Variants in CRTAC1 observed in about 807,000 individuals in gnomAD.
CRTAC1 encodes acidic secreted protein in cartilage.
A neutral mutation model predicts 67.8 loss-of-function variants in CRTAC1; 37 were observed. The ratio of observed to expected loss-of-function variants is 0.55; its 90% CI spans 0.42 to 0.72. The LOEUF (loss-of-function observed/expected upper bound fraction) is 0.72. Among genes scored for constraint, CRTAC1 ranks in the 30% least tolerant of loss-of-function variants. The probability of loss-of-function intolerance (pLI) is 0.00; values close to 1 mark genes in which losing one functional copy is unlikely to be tolerated. For synonymous variants in CRTAC1, 348 were observed against 371.0 expected (o/e 0.94, Z 0.71); for missense variants, 780 against 931.6 (o/e 0.84, Z 2.12).
At chr10:97,955,806 T>C (rs1005633859) in intron 2 of CRTAC1, among the ~76,000 whole-genome samples, 1 of 152,170 alleles carries the variant, frequency 6.6e-6, no homozygotes, top group African/African-American at 2.4e-5. Context: ...ATCATATGCA[T>C]GGGTGCACGG....
intron 2 of CRTAC1, among the ~76,000 whole-genome samples, chr10:98,007,127 T>C (rs565002398): frequency 8.5e-5 from 13 of 152,344 alleles, no homozygotes; most frequent in Admixed American, 4.6e-4. Context: ...AGAAATGGCT[T>C]ATTAAACTCT....
At chr10:97,882,966 C>T in intron 12 of CRTAC1, 138 bp from the exon 13 acceptor site, 3 of 841,640 alleles carry the variant, frequency 3.6e-6, no homozygotes, top group Non-Finnish European at 5.7e-6. Context: ...CTGGGGGGAG[C>T]CCCCTCCCTT....
chr10:97,992,029 T>C (rs1370523919), intron 2 of CRTAC1, among the ~76,000 whole-genome samples: 1 of 152,208 alleles, frequency 6.6e-6, no homozygotes, highest in Non-Finnish European at 1.5e-5. Flanking sequence ...CCAGGCAGCA[T>C]CTCTGAGCCT....
Position 98,011,330 on chromosome 10 carries a change from C to A in CRTAC1, c.32G>T (p.Arg11Met). ...GAGCAGCAGCAGGAACGGTAACATC[C>A]TGGACATCTGAAACCAAAAGTGACA... Reference protein sequence around the residue: MAPSADPGMSRMLPFLLLLWF... With the variant: MAPSADPGMSMMLPFLLLLWF... Residue 11 changes from arginine to methionine, a missense_variant, in exon 2 of 15, where the codon AGG (arginine) becomes ATG (methionine). Physicochemically the swap from Arg to Met is moderately conservative, Grantham distance 91 (BLOSUM62 -1). Transcript: ENST00000370597. 1 of 1,613,792 alleles carries A rather than the reference C, an allele frequency of 6.2e-7. No homozygotes were observed. The highest frequency in any genetic ancestry group is 8.5e-7 in the Non-Finnish European group (1 of 1,180,018).
intron 3 of CRTAC1, among the ~76,000 whole-genome samples, chr10:97,928,120 C>A (rs1158768050): frequency 6.6e-6 from 1 of 152,088 alleles, no homozygotes; most frequent in African/African-American, 2.4e-5. Context: ...GGCCATGGAG[C>A]CACAGCCCTT....
At chr10:97,930,255 A>G (rs2050984264) in intron 3 of CRTAC1, among the ~76,000 whole-genome samples, 2 of 152,234 alleles carry the variant, frequency 1.3e-5, no homozygotes, top group African/African-American at 4.8e-5. Context: ...AGGCAGTCCC[A>G]GTTCCTAAGG....
intron 1 of CRTAC1, among the ~76,000 whole-genome samples, chr10:98,022,458 G>A (rs1590301653): frequency 6.6e-6 from 1 of 152,132 alleles, no homozygotes; most frequent in Non-Finnish European, 1.5e-5. Context: ...AACTAGGGAC[G>A]TGGTGGGAAG....
At chr10:97,917,461 G>A in intron 5 of CRTAC1, 39 bp downstream of exon 5, 1 of 1,434,242 alleles carries the variant, frequency 7.0e-7, no homozygotes, top group South Asian at 1.7e-5. Context: ...CCCAGCCCCA[G>A]CCCCTCCAGC....
At chr10:97,950,628 T>G (rs1317141799) in intron 2 of CRTAC1, among the ~76,000 whole-genome samples, 4 of 152,068 alleles carry the variant, frequency 2.6e-5, no homozygotes, top group African/African-American at 4.8e-5. Context: ...ACTTGCCTGG[T>G]GAAGGGTAGG....
chr10:97,889,687 T>G (rs1457453397), intron 11 of CRTAC1, among the ~76,000 whole-genome samples: 1 of 152,094 alleles, frequency 6.6e-6, no homozygotes, highest in East Asian at 1.9e-4. Context: ...GATGCACACG[T>G]GTACACACTC....
chr10:98,024,188 G>A (rs1479688768), intron 1 of CRTAC1, among the ~76,000 whole-genome samples: 7 of 152,244 alleles, frequency 4.6e-5, no homozygotes, highest in Admixed American at 4.6e-4. Flanking sequence ...CACTCCCAGG[G>A]CTCAGCAGTG....
rs1195004950 is a variant in CRTAC1 at position 97,908,028 on chromosome 10, C to T, written c.835G>A (p.Ala279Thr). Reference protein sequence around the residue: ...HNRGDGTFVDAAASAGVDDPH... With the variant: ...HNRGDGTFVDTAASAGVDDPH... ...CTCCACTCACCAGCACTGGCCGCAG[C>T]GTCCACAAAGGTGCCATCGCCCCGG... The change falls in exon 6 of 15, where the codon GCT (alanine) becomes ACT (threonine). Residue 279 changes from alanine (A) to threonine (T), a missense_variant. Coordinates refer to ENST00000370597, the MANE Select transcript of CRTAC1 (RefSeq NM_018058.7). 8 of 1,614,000 alleles carry T rather than the reference C, an allele frequency of 5.0e-6. No homozygotes were observed. Among genetic ancestry groups the T allele is most frequent in the East Asian group, 4.5e-5 (2 of 44,896 alleles).
At chr10:98,025,073 T>C (rs1484271596) in intron 1 of CRTAC1, among the ~76,000 whole-genome samples, 1 of 152,182 alleles carries the variant, frequency 6.6e-6, no homozygotes, top group African/African-American at 2.4e-5. Flanking sequence ...TGTCACTTGC[T>C]TGCAGTGTGA....
rs187007637 is a variant in CRTAC1 at position 97,994,878 on chromosome 10, C to T, written c.224+16260G>A. Among the ~76,000 whole-genome samples, 35 of 152,276 alleles carry T rather than the reference C, an allele frequency of 2.3e-4. No individual in the cohort carries two copies. In the East Asian group the frequency reaches 3.5e-3, roughly 15 times the overall value. Reference sequence around the variant, plus strand: ...CCTGTGGAGGCCCAAGGAGCAGATCCGGCCACCTTATCCTGTGTGAGGAGC... The same window carrying T: ...CCTGTGGAGGCCCAAGGAGCAGATCTGGCCACCTTATCCTGTGTGAGGAGC... On this transcript the variant is annotated intron_variant, in intron 2 of 14. Transcript: ENST00000370597.
intron 5 of CRTAC1, among the ~76,000 whole-genome samples, chr10:97,915,783 A>G (rs1262510386): frequency 6.6e-6 from 1 of 152,160 alleles, no homozygotes. Context: ...ATGGTGGGCC[A>G]AATAGGTTCT....
intron 2 of CRTAC1, among the ~76,000 whole-genome samples, chr10:97,991,940 TATA>T (rs957046375): frequency 1.3e-5 from 2 of 152,366 alleles, no homozygotes; most frequent in African/African-American, 4.8e-5. Flanking sequence ...AGGAAACTTT[TATA>T]ATGAGACTTA....
At chr10:97,866,797 T>C (rs942989406) in intron 14 of CRTAC1, 3 of 152,172 alleles carry the variant, frequency 2.0e-5, no homozygotes, top group Non-Finnish European at 2.9e-5. Context: ...TTCATGTGTA[T>C]GAGTGTGTGT....
intron 3 of CRTAC1, among the ~76,000 whole-genome samples, chr10:97,931,757 A>G (rs917390717): frequency 6.6e-6 from 1 of 152,162 alleles, no homozygotes; most frequent in African/African-American, 2.4e-5. Context: ...CCTGTTTGTT[A>G]CCCCAGGCCA....
At chr10:97,988,710 A>G (rs887893199) in intron 2 of CRTAC1, among the ~76,000 whole-genome samples, 4 of 152,122 alleles carry the variant, frequency 2.6e-5, no homozygotes, top group African/African-American at 9.7e-5. Context: ...ACAGAGCAAG[A>G]CTCCGTCTCT....
Sources: gnomAD v4.1 joint callset for allele counts (sites outside exome capture counted in the v4.1 genomes callset) on GRCh38, gnomAD v4.1.1 for gene constraint, MANE v1.5 for transcripts, NCBI Gene and HGNC (gene_info 2026-07-23, HGNC 2026-07-21) for gene names.